Variants in CNBD1 observed in about 807,000 individuals in gnomAD.
The protein encoded by CNBD1 is cyclic nucleotide-binding domain-containing protein 1.
A neutral mutation model predicts 54.4 loss-of-function variants in CNBD1; 71 were observed. The ratio of observed to expected loss-of-function variants is 1.30; its 90% confidence interval spans 1.08 to 1.59. CNBD1 has a LOEUF of 1.59. CNBD1 is among the 40% of genes most tolerant of loss of function. The pLI is 0.00. For missense variants in CNBD1, 659 were observed against 518.0 expected, an observed-to-expected ratio of 1.27 and a Z score of -2.64; for synonymous variants, 182 against 170.7, an observed-to-expected ratio of 1.07 and a Z score of -0.51.
chr8:87,386,330 G>A (rs926281096), downstream of CNBD1, among the ~76,000 whole-genome samples: 1 of 152,026 alleles, frequency 6.6e-6, no homozygotes, highest in African/African-American at 2.4e-5. Flanking sequence ...AAAGCAGGAA[G>A]TTCGAACCCA....
chr8:87,313,443 A>T (rs1809312190), intron 8 of CNBD1, among the ~76,000 whole-genome samples: 1 of 152,056 alleles, frequency 6.6e-6, no homozygotes, highest in Non-Finnish European at 1.5e-5. Context: ...ATATTTATTC[A>T]TGCCATTTCT....
intron 8 of CNBD1, among the ~76,000 whole-genome samples, chr8:87,334,726 T>C (rs1219813605): frequency 5.1e-5 from 7 of 138,190 alleles, no homozygotes; most frequent in Admixed American, 1.4e-4. Flanking sequence ...TTTCTTTTCT[T>C]TTTTTTTTTT....
At chr8:87,356,687 T>C (rs1167125758) in intron 10 of CNBD1, among the ~76,000 whole-genome samples, 2 of 152,172 alleles carry the variant, frequency 1.3e-5, no homozygotes, top group African/African-American at 4.8e-5. Flanking sequence ...ATTCACACTC[T>C]AGCTATGTGG....
intron 10 of CNBD1, among the ~76,000 whole-genome samples, chr8:87,355,886 T>A (rs1362857261): frequency 6.6e-6 from 1 of 152,140 alleles, no homozygotes; most frequent in Admixed American, 6.5e-5. Flanking sequence ...GTCAAGGAGA[T>A]GGATCCTTTA....
At chr8:86,883,922 T>C (rs375261499) in intron 1 of CNBD1, among the ~76,000 whole-genome samples, 12 of 151,970 alleles carry the variant, frequency 7.9e-5, no homozygotes, top group East Asian at 1.9e-4. Flanking sequence ...GAGGCCGAGG[T>C]GGGCGGATCA....
chr8:86,921,681 T>C (rs1809277989), intron 3 of CNBD1, among the ~76,000 whole-genome samples: 1 of 152,120 alleles, frequency 6.6e-6, no homozygotes, highest in Non-Finnish European at 1.5e-5. Flanking sequence ...ACAAGAACAG[T>C]ATGGGGGAAA....
At chr8:86,980,957 C>T (rs754192553) in intron 4 of CNBD1, among the ~76,000 whole-genome samples, 3 of 152,170 alleles carry the variant, frequency 2.0e-5, no homozygotes, top group Non-Finnish European at 2.9e-5. Context: ...ATGCCCATAA[C>T]CTCCCACATA....
At chr8:87,015,245 C>T (rs1053179629) in intron 4 of CNBD1, among the ~76,000 whole-genome samples, 1 of 152,090 alleles carries the variant, frequency 6.6e-6, no homozygotes, top group African/African-American at 2.4e-5. Context: ...TGCAGTGGCA[C>T]GATCTTGGCT....
In CNBD1 at chr8:87,237,019, G is replaced by A. The variant is rs779115343; in HGVS notation, c.678G>A (p.Ser226=). ...TTGAAGGAAGTGATTCACCAGACTCGTTCATATCTCAGAGTTTCCACAGCT... is the reference window on the plus strand; with the variant it reads ...TTGAAGGAAGTGATTCACCAGACTCATTCATATCTCAGAGTTTCCACAGCT... The part of the protein sequence containing the change: ...NLIEGSDSPD[S]FISQSFHSFI... Residue 226 remains serine (S), a synonymous_variant, in exon 6 of 11, where the codon TCG becomes TCA. Transcript: ENST00000518476. The A allele has an allele frequency of 9.3e-6, 15 of 1,611,828 alleles. No homozygotes were observed. The Admixed American group carries it at 1.0e-4, about 11-fold the overall frequency.
chr8:86,990,602 T>A (rs1808723339), intron 4 of CNBD1, among the ~76,000 whole-genome samples: 1 of 152,214 alleles, frequency 6.6e-6, no homozygotes, highest in Non-Finnish European at 1.5e-5. Context: ...AGCTCTGTAG[T>A]ATAATTTGAA....
chr8:87,334,165 G>A (rs772824952), intron 8 of CNBD1, among the ~76,000 whole-genome samples: 17 of 152,116 alleles, frequency 1.1e-4, no homozygotes, highest in Non-Finnish European at 2.2e-4. Flanking sequence ...TAGTTTGTTT[G>A]CATAGAGGTG....
intron 2 of CNBD1, among the ~76,000 whole-genome samples, chr8:87,420,079 T>C (rs529362609): frequency 3.9e-4 from 59 of 151,732 alleles, no homozygotes; most frequent in Non-Finnish European, 7.1e-4. Flanking sequence ...CATTTAACAA[T>C]AACAAAGTGT....
intron 5 of CNBD1, among the ~76,000 whole-genome samples, chr8:87,228,585 G>A (rs1814573008): frequency 6.6e-6 from 1 of 150,896 alleles, no homozygotes; most frequent in Admixed American, 6.6e-5. Flanking sequence ...ACTTGAGGAG[G>A]CAGTCCGCCC....
chr8:87,191,248 G>A (rs951032372), intron 4 of CNBD1, among the ~76,000 whole-genome samples: 2 of 152,110 alleles, frequency 1.3e-5, no homozygotes, highest in Non-Finnish European at 2.9e-5. Context: ...GGGAATCTGA[G>A]GTTCAAGGGC....
chr8:87,081,410 G>A (rs1461211417), intron 4 of CNBD1, among the ~76,000 whole-genome samples: 1 of 151,760 alleles, frequency 6.6e-6, no homozygotes, highest in Non-Finnish European at 1.5e-5. Context: ...CTTGTTTCAT[G>A]CCTACAATAT....
chr8:87,211,630 G>C (rs1451225932), intron 5 of CNBD1, among the ~76,000 whole-genome samples: 1 of 152,058 alleles, frequency 6.6e-6, no homozygotes, highest in East Asian at 1.9e-4. Flanking sequence ...TCTCTCTCCT[G>C]CTCCTTCTCT....
intron 10 of CNBD1, among the ~76,000 whole-genome samples, chr8:87,357,173 G>A (rs1395884154): frequency 2.6e-5 from 4 of 152,200 alleles, no homozygotes; most frequent in Admixed American, 6.5e-5. Flanking sequence ...GCCCCACAGA[G>A]AGCCTCTATA....
intron 8 of CNBD1, among the ~76,000 whole-genome samples, chr8:87,287,692 A>G (rs1808723047): frequency 6.6e-6 from 1 of 152,176 alleles, no homozygotes; most frequent in African/African-American, 2.4e-5. Flanking sequence ...AACGAGGTTC[A>G]GCATACCAGG....
chr8:86,913,843 T>C (rs1809142559), intron 3 of CNBD1, among the ~76,000 whole-genome samples: 1 of 152,084 alleles, frequency 6.6e-6, no homozygotes, highest in Admixed American at 6.6e-5. Context: ...GTGTGTTTCA[T>C]CCCTATCTAC....
Sources: allele counts gnomAD v4.1 joint callset (sites outside exome capture counted in the v4.1 genomes callset), GRCh38; gene constraint gnomAD v4.1.1; transcripts MANE v1.5; gene names NCBI Gene and HGNC (gene_info 2026-07-23, HGNC 2026-07-21).